The following CP variants were observed in gnomAD, a reference collection of about 807,000 sequenced individuals.
The protein encoded by CP is ceruloplasmin, also known as caeruloplasmin.
Under a neutral mutation model 122.4 loss-of-function variants are expected in CP, and 64 were observed. That is an observed-to-expected ratio of 0.52 (90% CI 0.43 to 0.64). The LOEUF (loss-of-function observed/expected upper bound fraction) is 0.64. Ranked by LOEUF, CP falls within the 30% of genes least tolerant of loss-of-function variation. The pLI is 0.00. For synonymous variants in CP, 440 were observed against 436.4 expected (o/e 1.01, Z -0.10); for missense variants, 1,167 against 1,284.4 (o/e 0.91, Z 1.40).
At chr3:149,218,506 C>G (rs1396304955) in intron 1 of CP, among the ~76,000 whole-genome samples, 2 of 151,924 alleles carry the variant, frequency 1.3e-5, no homozygotes, top group Non-Finnish European at 2.9e-5. Flanking sequence ...TTTTAGTCCC[C>G]CCCAAAACCT....
At chr3:149,166,812 A>G (rs927589467) in intron 4 of CP, among the ~76,000 whole-genome samples, 5 of 152,214 alleles carry the variant, frequency 3.3e-5, no homozygotes, top group Admixed American at 6.5e-5. Flanking sequence ...TTATTTAAAA[A>G]TGATTGCTTT....
intron 1 of CP, among the ~76,000 whole-genome samples, chr3:149,217,111 G>C (rs754202822): frequency 4.6e-5 from 7 of 151,978 alleles, no homozygotes; most frequent in Admixed American, 3.3e-4. Context: ...ATGTTGGCCA[G>C]GCTGGTCTCA....
At chr3:149,163,352 A>C (rs1031900216) in intron 5 of CP, among the ~76,000 whole-genome samples, 1 of 152,088 alleles carries the variant, frequency 6.6e-6, no homozygotes, top group African/African-American at 2.4e-5. Context: ...AGCCAGTAAC[A>C]ACTCTTTCTA....
Position 149,178,410 on chromosome 3 carries a change from C to T in CP, c.2878+5G>A. ...GAAAAATTGTTTTAGAATAATGTGACATACCATGCATTTTATTGCTTTCTA... is the reference window on the plus strand; with the variant it reads ...GAAAAATTGTTTTAGAATAATGTGATATACCATGCATTTTATTGCTTTCTA... On this transcript the variant is annotated splice_donor_5th_base_variant and intron_variant, in intron 16 of 18. Coordinates refer to ENST00000264613, the MANE Select transcript of CP (RefSeq NM_000096.4). The T allele has an allele frequency of 6.4e-7, 1 of 1,554,742 alleles. No homozygotes were observed. The highest frequency in any genetic ancestry group is 8.9e-7 in the Non-Finnish European group (1 of 1,126,500).
intron 6 of CP, among the ~76,000 whole-genome samples, chr3:149,202,555 A>G (rs1254499964): frequency 1.3e-5 from 2 of 151,120 alleles, no homozygotes; most frequent in South Asian, 4.2e-4. Context: ...AAATTGTGAA[A>G]TGTTTAAAAA....
At chr3:149,166,900 A>G (rs1002042046) in intron 4 of CP, 52 of 724,498 alleles carry the variant, frequency 7.2e-5, no homozygotes, top group South Asian at 3.7e-4. Flanking sequence ...GACCACGTGC[A>G]TGTGCTCTAA....
chr3:149,195,599 C>T (rs1032213244), intron 9 of CP, among the ~76,000 whole-genome samples: 12 of 152,146 alleles, frequency 7.9e-5, no homozygotes, highest in Non-Finnish European at 1.5e-5. Flanking sequence ...AATACACACA[C>T]GTTTGTTTAT....
intron 9 of CP, among the ~76,000 whole-genome samples, chr3:149,189,829 A>T (rs1294470730): frequency 2.0e-5 from 3 of 152,178 alleles, no homozygotes; most frequent in African/African-American, 7.2e-5. Flanking sequence ...ATGCAATAAA[A>T]TTAAAAATTA....
intron 14 of CP, among the ~76,000 whole-genome samples, chr3:149,181,260 C>T (rs1725755331): frequency 1.3e-5 from 2 of 152,176 alleles, no homozygotes; most frequent in South Asian, 4.2e-4. Context: ...GGCTGCCTTG[C>T]TGCTGCTCAC....
At chr3:149,187,961 G>T in intron 10 of CP, 91 bp downstream of exon 10, 1 of 1,378,284 alleles carries the variant, frequency 7.3e-7, no homozygotes, top group South Asian at 1.2e-5. Context: ...AATAATCAAT[G>T]AGCAAAGCTC....
At chr3:149,167,574 A>T (rs192504166), downstream of CP, among the ~76,000 whole-genome samples, 151 of 152,286 alleles carry the variant, frequency 9.9e-4, no homozygotes, top group African/African-American at 3.5e-3. Context: ...TTTGGACCTT[A>T]GTTCTTTTTT....
chr3:149,169,089 T>C (rs1443246024), downstream of CP, among the ~76,000 whole-genome samples: 1 of 152,042 alleles, frequency 6.6e-6, no homozygotes, highest in African/African-American at 2.4e-5. Context: ...CCATGTGTGA[T>C]TTACCTTTAT....
Position 149,202,211 on chromosome 3 carries a change from G to A in CP, c.1239C>T (p.Thr413=). The A allele has an allele frequency of 6.2e-7, 1 of 1,614,080 alleles. No individual in the cohort carries two copies. The highest frequency in any genetic ancestry group is 8.5e-7 in the Non-Finnish European group (1 of 1,180,006). Residue 413 remains threonine (T), a synonymous_variant, in exon 7 of 19, where the codon ACC becomes ACT. Coordinates refer to ENST00000264613, the MANE Select transcript of CP (RefSeq NM_000096.4). ...TTTTATAAGAGCCTCCAATTCTTGT[G>A]GTACCTTGTTCAAAAAACACCGCTG... ...SDSAVFFEQG[T]TRIGGSYKKL...
At chr3:149,177,390 G>C (rs1309504450) in intron 17 of CP, among the ~76,000 whole-genome samples, 1 of 152,152 alleles carries the variant, frequency 6.6e-6, no homozygotes, top group Non-Finnish European at 1.5e-5. Context: ...TGTGTCAATT[G>C]AAATTGCTGT....
downstream of CP, chr3:149,172,012 G>T (rs878859833): frequency 1.3e-4 from 191 of 1,423,180 alleles, no homozygotes; most frequent in South Asian, 2.1e-3. Flanking sequence ...GCCTGAACTG[G>T]CTTCTAATTG....
intron 13 of CP, among the ~76,000 whole-genome samples, chr3:149,182,372 G>A (rs1395097741): frequency 1.3e-5 from 2 of 152,168 alleles, no homozygotes; most frequent in East Asian, 1.9e-4. Context: ...CAGAGTACCG[G>A]TCTAATCATG....
intron 6 of CP, among the ~76,000 whole-genome samples, chr3:149,203,294 C>T (rs1053288673): frequency 5.5e-5 from 8 of 145,528 alleles, no homozygotes; most frequent in Non-Finnish European, 9.3e-5. Flanking sequence ...AGCAGAGTCT[C>T]GCTCTCTTGC....
Position 149,195,437 on chromosome 3 carries a change from G to T in CP, c.1713+2930C>A, listed in dbSNP as rs138239466. Reference sequence around the variant, plus strand: ...AAGACTAGAAACAACCCAAACACTTGTCAAATAAGGGACTGATTGTATAAA... The same window carrying T: ...AAGACTAGAAACAACCCAAACACTTTTCAAATAAGGGACTGATTGTATAAA... On this transcript the variant is annotated intron_variant, in intron 9 of 18. Coordinates refer to ENST00000264613, the MANE Select transcript of CP (RefSeq NM_000096.4). Among the ~76,000 whole-genome samples the T allele has an allele frequency of 3.9e-3, 588 of 152,254 alleles. 1 individual carries two copies. Among genetic ancestry groups the T allele is most frequent in the Middle Eastern group, 0.017 (5 of 294 alleles).
chr3:149,187,527 T>A (rs1726251850), intron 10 of CP, among the ~76,000 whole-genome samples: 1 of 152,212 alleles, frequency 6.6e-6, no homozygotes, highest in African/African-American at 2.4e-5. Flanking sequence ...GGTCATTTTT[T>A]AAAAGCCCCC....
Sources: allele counts gnomAD v4.1 joint callset (sites outside exome capture counted in the v4.1 genomes callset), GRCh38; gene constraint gnomAD v4.1.1; transcripts MANE v1.5; gene names NCBI Gene and HGNC (gene_info 2026-07-23, HGNC 2026-07-21).